Variants in OSBPL3 observed in about 807,000 individuals in gnomAD.
OSBPL3 encodes oxysterol binding protein like 3, also known as oxysterol-binding protein-related protein 3.
OSBPL3 carries 65 observed loss-of-function variants against 120.1 expected under a neutral mutation model. The ratio of observed to expected loss-of-function variants is 0.54; its 90% CI spans 0.44 to 0.67. OSBPL3 has a LOEUF of 0.67. Ranked by LOEUF, OSBPL3 falls within the 30% of genes least tolerant of loss-of-function variation. The pLI, the probability that OSBPL3 is intolerant of heterozygous loss-of-function variation, is 0.00. For missense variants in OSBPL3, 1,004 were observed against 1,082.1 expected (o/e 0.93, Z 1.01); for synonymous variants, 416 against 402.6 (o/e 1.03, Z -0.40).
intron 16 of OSBPL3, among the ~76,000 whole-genome samples, chr7:24,828,633 A>AAAAAAAAAAAAAAAAG (rs1554349993): frequency 1.5e-5 from 2 of 134,624 alleles, no homozygotes; most frequent in Non-Finnish European, 3.3e-5. Flanking sequence ...AAAAAAAAAA[A>AAAAAAAAAAAAAAAAG]AAAGGCATCG....
Position 24,863,576 on chromosome 7 carries a change from G to C in OSBPL3, c.697C>G (p.Leu233Val). The C allele has an allele frequency of 6.2e-7, 1 of 1,613,940 alleles. No individual in the cohort carries two copies. The highest frequency in any genetic ancestry group is 8.5e-7 in the Non-Finnish European group (1 of 1,179,804). ...SKDLAHCHAYLVEMSQLLQSM... is the reference protein window; with the variant it reads ...SKDLAHCHAYVVEMSQLLQSM... ...TGCAGGAGCTGGCTCATTTCTACCA[G>C]GTAGGCATGACAGTGCGCCAGGTCT... Residue 233 changes from leucine to valine, a missense_variant, in exon 8 of 23, where the codon CTG becomes GTG. Transcript: ENST00000313367. This position sits in a 1 kb window ranked among gnomAD's most constrained non-coding sequence, Gnocchi z 5.8.
chr7:24,910,363 C>G (rs1808648102), intron 1 of OSBPL3, among the ~76,000 whole-genome samples: 1 of 152,106 alleles, frequency 6.6e-6, no homozygotes, highest in African/African-American at 2.4e-5. Flanking sequence ...ATGGAGAAAT[C>G]AGAAATGGGC....
intron 1 of OSBPL3, among the ~76,000 whole-genome samples, chr7:24,929,084 C>G (rs1811462361): frequency 6.6e-6 from 1 of 152,152 alleles, no homozygotes; most frequent in Non-Finnish European, 1.5e-5. Context: ...GTAGCTGCAC[C>G]TCTTTATACT....
At chr7:24,868,832 G>A (rs1187051236) in intron 5 of OSBPL3, among the ~76,000 whole-genome samples, 1 of 152,158 alleles carries the variant, frequency 6.6e-6, no homozygotes, top group African/African-American at 2.4e-5. Flanking sequence ...TCTTCTCAGA[G>A]GCCGTTATAA....
rs1312091716 is a variant in OSBPL3, at chr7:24,815,035, A to G, written c.2172+24T>C. 6.2e-7 allele frequency: 1 copy of G among 1,612,148 alleles called. No homozygotes were observed. The highest frequency in any genetic ancestry group is 8.5e-7 in the Non-Finnish European group (1 of 1,178,306). On this transcript the variant is annotated intron_variant, in intron 19 of 22. Coordinates refer to ENST00000313367, the MANE Select transcript of OSBPL3 (RefSeq NM_015550.4). The surrounding 1 kb of genome is among the most constrained non-coding windows in gnomAD (Gnocchi z 5.1). ...TCTGCCACAGCCCTTCCAGGGTCAG[A>G]GCTCAGAGAGTCACTGGAGTTACCT...
chr7:24,830,295 G>A lies in OSBPL3; in HGVS notation c.1884+473C>T, dbSNP rs1277050293. Among the ~76,000 whole-genome samples the A allele has an allele frequency of 2.6e-5, 4 of 152,122 alleles. No homozygotes were observed. Among genetic ancestry groups the A allele is most frequent in the South Asian group, 4.2e-4 (2 of 4,812 alleles). ...GAACAGTGGCAGGCACATGGTATAC[G>A]TTCTAGAAATAATTTATTGATGTGA... On this transcript the variant is annotated intron_variant, in intron 16 of 22. Transcript: ENST00000313367. This position sits in a 1 kb window ranked among gnomAD's most constrained non-coding sequence, Gnocchi z 4.4.
At chr7:24,878,476 C>T (rs796911482) in intron 2 of OSBPL3, among the ~76,000 whole-genome samples, 3 of 152,156 alleles carry the variant, frequency 2.0e-5, no homozygotes, top group African/African-American at 4.8e-5. Flanking sequence ...AGATCTTCCA[C>T]GGCCTATTAA....
At chr7:24,882,035 T>G (rs987741491) in intron 2 of OSBPL3, among the ~76,000 whole-genome samples, 3 of 152,206 alleles carry the variant, frequency 2.0e-5, no homozygotes, top group African/African-American at 7.2e-5. Flanking sequence ...TTAAATTAAT[T>G]ACATCTGTAA....
At position 24,803,608 on chromosome 7, in the gene OSBPL3, T is replaced by C. The variant is rs1792647133; in HGVS notation, c.2567+707A>G. Among the ~76,000 whole-genome samples the C allele has an allele frequency of 6.6e-6, 1 of 151,994 alleles. No homozygotes were observed. Among genetic ancestry groups the C allele is most frequent in the Admixed American group, 6.6e-5 (1 of 15,240 alleles). On this transcript the variant is annotated intron_variant, in intron 22 of 22. Coordinates refer to ENST00000313367, the MANE Select transcript of OSBPL3 (RefSeq NM_015550.4). This position sits in a 1 kb window ranked among gnomAD's most constrained non-coding sequence, Gnocchi z 4.2. ...CAACAAGGTGAAACCCCGTCTCTACTAAAAATACAAAAATTAGCCGGGCAT... is the reference window on the plus strand; with the variant it reads ...CAACAAGGTGAAACCCCGTCTCTACCAAAAATACAAAAATTAGCCGGGCAT...
Position 24,867,008 on chromosome 7 carries a change from G to A in OSBPL3, c.382-771C>T, listed in dbSNP as rs962738304. 1.4e-4 allele frequency among the ~76,000 whole-genome samples: 21 copies of A among 152,218 alleles called. No individual in the cohort carries two copies. The highest frequency in any genetic ancestry group is 4.3e-4 in the African/African-American group (18 of 41,532). On this transcript the variant is annotated intron_variant, in intron 5 of 22. Coordinates refer to ENST00000313367, the MANE Select transcript of OSBPL3 (RefSeq NM_015550.4). The surrounding 1 kb of genome is among the most constrained non-coding windows in gnomAD (Gnocchi z 4.5). ...GTAGAGGCGGGGTTTCACCATGTTG[G>A]CCAGGCTGGTCTCGAACTCCTGACC...
Position 24,830,246 on chromosome 7 carries a change from C to G in OSBPL3, c.1884+522G>C, listed in dbSNP as rs150094900. 4.5e-3 allele frequency among the ~76,000 whole-genome samples: 687 copies of G among 152,278 alleles called. 9 individuals are homozygous for G. The highest frequency in any genetic ancestry group is 0.016 in the African/African-American group (660 of 41,546). ...CCTGTCCGGACCCCTCACCCCCCAC[C>G]CCACTGCAATATCCTAGCACCTGGA... On this transcript the variant is annotated intron_variant, in intron 16 of 22. Coordinates refer to ENST00000313367, the MANE Select transcript of OSBPL3 (RefSeq NM_015550.4). This position sits in a 1 kb window ranked among gnomAD's most constrained non-coding sequence, Gnocchi z 4.4.
chr7:24,951,355 T>C (rs931302944), intron 1 of OSBPL3, among the ~76,000 whole-genome samples: 1 of 152,160 alleles, frequency 6.6e-6, no homozygotes, highest in Non-Finnish European at 1.5e-5. Flanking sequence ...TTTTCAATTA[T>C]GCAGAATTTA....
At chr7:24,816,713 AT>A in intron 17 of OSBPL3, 25 bp from the exon 18 acceptor site, 1 of 1,473,378 alleles carries the variant, frequency 6.8e-7, no homozygotes, top group Non-Finnish European at 9.5e-7. Flanking sequence ...CAAATATTAC[AT>A]TTTTAGCAGG....
rs1791786836 is a variant in OSBPL3, at chr7:24,796,990, T to C, written c.*3193A>G. The C allele has an allele frequency of 6.6e-6, 1 of 152,252 alleles. No homozygotes were observed. Among genetic ancestry groups the C allele is most frequent in the Non-Finnish European group, 1.5e-5 (1 of 68,048 alleles). The allele number at this position is 152,252 out of a possible 1,614,324, so 9.4% of individuals were successfully genotyped here. On this transcript the variant is annotated 3_prime_UTR_variant, in exon 23 of 23. Transcript: ENST00000313367. The surrounding 1 kb of genome is among the most constrained non-coding windows in gnomAD (Gnocchi z 5.2). ...ATTCAAACAAATTATGCCAATACAT[T>C]GGAACTATTATTCCTAAGACCATAA... is the stretch of plus-strand genomic sequence containing the variant.
At chr7:24,958,522 G>A (rs528100744) in intron 1 of OSBPL3, among the ~76,000 whole-genome samples, 1 of 152,210 alleles carries the variant, frequency 6.6e-6, no homozygotes, top group African/African-American at 2.4e-5. Flanking sequence ...TGACAGTCAA[G>A]TTCAAAGGCA....
chr7:24,903,302 G>C (rs1045681984), intron 1 of OSBPL3, among the ~76,000 whole-genome samples: 1 of 152,156 alleles, frequency 6.6e-6, no homozygotes, highest in Non-Finnish European at 1.5e-5. Flanking sequence ...ATAGCCTCTA[G>C]CTCACAGAAT....
Position 24,894,423 on chromosome 7 carries a change from A to G in OSBPL3, c.-149-1802T>C, listed in dbSNP as rs1805824238. 6.6e-6 allele frequency among the ~76,000 whole-genome samples: 1 copy of G among 152,200 alleles called. No homozygotes were observed. The highest frequency in any genetic ancestry group is 1.5e-5 in the Non-Finnish European group (1 of 68,040). Reference sequence around the variant, plus strand: ...GTACCTGAAGTTAGAAGCAAATGCAATCTAAAAAGTAGCAAGAGAGTACTG... The same window carrying G: ...GTACCTGAAGTTAGAAGCAAATGCAGTCTAAAAAGTAGCAAGAGAGTACTG... On this transcript the variant is annotated intron_variant, in intron 1 of 22. Coordinates refer to ENST00000313367, the MANE Select transcript of OSBPL3 (RefSeq NM_015550.4). The surrounding 1 kb of genome is among the most constrained non-coding windows in gnomAD (Gnocchi z 4.1).
At position 24,873,800 on chromosome 7, in the gene OSBPL3, C is replaced by G. The variant is rs182935691; in HGVS notation, c.97-1731G>C. On this transcript the variant is annotated intron_variant, in intron 2 of 22. Transcript: ENST00000313367. This position sits in a 1 kb window ranked among gnomAD's most constrained non-coding sequence, Gnocchi z 4.1. ...CAGAAAGCCATTCCACAAAATTTAA[C>G]ACATTTTACCCATCTAAATGTTAAT... 5.3e-5 allele frequency among the ~76,000 whole-genome samples: 8 copies of G among 152,090 alleles called. No homozygotes were observed. In the East Asian group the frequency reaches 1.5e-3, roughly 29 times the overall value.
Position 24,980,033 on chromosome 7 carries a change from G to T in OSBPL3, c.-297C>A. ...CTCCCGCACCGGCCGCAGGAGTCGG[G>T]GGCGGGGATGGCCACTTGCAGACAG... On this transcript the variant is annotated 5_prime_UTR_variant, in exon 1 of 23. Transcript: ENST00000313367. The T allele has an allele frequency of 2.0e-6, 2 of 985,480 alleles. No individual in the cohort carries two copies. Among genetic ancestry groups the T allele is most frequent in the Non-Finnish European group, 1.2e-6 (1 of 830,026 alleles). 61.0% of individuals were successfully genotyped at this position (985,480 alleles called of 1,614,324 possible). A position where few individuals can be genotyped will look rare whatever the true frequency, so the allele number is the denominator to read the frequency against.
Sources: allele counts gnomAD v4.1 joint callset (sites outside exome capture counted in the v4.1 genomes callset), GRCh38; gene constraint gnomAD v4.1.1; non-coding constraint Gnocchi (gnomAD v3.1); transcripts MANE v1.5; gene names NCBI Gene and HGNC (gene_info 2026-07-23, HGNC 2026-07-21).